SGCD: variants seen among roughly 807,000 people sequenced by gnomAD.
SGCD encodes the protein sarcoglycan delta, also known as delta-sarcoglycan.
Under a neutral mutation model 36.6 loss-of-function variants are expected in SGCD, and 18 were observed. That is an observed-to-expected ratio of 0.49 (90% CI 0.34 to 0.73). The LOEUF (loss-of-function observed/expected upper bound fraction) is 0.73, where lower values mean the gene tolerates loss of function less well. SGCD is among the 30% of genes least tolerant of loss of function. SGCD has a pLI of 0.01. For missense variants in SGCD, 387 were observed against 346.7 expected (o/e 1.12, Z -0.92); for synonymous variants, 133 against 130.6 (o/e 1.02, Z -0.12).
intron 4 of SGCD, among the ~76,000 whole-genome samples, chr5:156,537,508 G>C (rs111338324): frequency 0.063 from 5,927 of 93,376 alleles, 223 homozygotes; most frequent in African/African-American, 0.17. Context: ...CACACACACA[G>C]GTATATATAT....
At chr5:156,162,626 T>C (rs1044723353) in intron 3 of SGCD, among the ~76,000 whole-genome samples, 4 of 151,616 alleles carry the variant, frequency 2.6e-5, no homozygotes, top group African/African-American at 9.8e-5. Context: ...CTCATCACCA[T>C]TCCCCCATCG....
intron 3 of SGCD, among the ~76,000 whole-genome samples, chr5:156,181,115 A>G (rs1763595722): frequency 6.6e-6 from 1 of 152,252 alleles, no homozygotes; most frequent in African/African-American, 2.4e-5. Context: ...AAGGACAGAG[A>G]GAAACCTTGG....
chr5:156,568,842 C>T (rs550083581), intron 4 of SGCD, among the ~76,000 whole-genome samples: 10 of 152,310 alleles, frequency 6.6e-5, no homozygotes, highest in Admixed American at 2.0e-4. Context: ...CATTGAACTA[C>T]GCATTGCTAA....
chr5:156,702,815 T>C (rs929272058), intron 7 of SGCD, among the ~76,000 whole-genome samples: 3 of 151,014 alleles, frequency 2.0e-5, no homozygotes, highest in Non-Finnish European at 2.9e-5. Context: ...TTTTAAACTA[T>C]CTTCTCAATG....
At chr5:156,336,898 A>G (rs1328728265) in intron 2 of SGCD, among the ~76,000 whole-genome samples, 1 of 152,226 alleles carries the variant, frequency 6.6e-6, no homozygotes, top group Non-Finnish European at 1.5e-5. Context: ...ATAACTATTA[A>G]GTTAATCTGA....
At chr5:155,818,841 A>G in the SGCD span, among the ~76,000 whole-genome samples, 1 of 152,144 alleles carries the variant, frequency 6.6e-6, no homozygotes, top group African/African-American at 2.4e-5. Flanking sequence ...ATACTTACGG[A>G]GAGTGACAGG....
At chr5:155,898,947 A>G (rs1756326234) in intron 1 of SGCD, among the ~76,000 whole-genome samples, 1 of 152,178 alleles carries the variant, frequency 6.6e-6, no homozygotes, top group Non-Finnish European at 1.5e-5. Flanking sequence ...GTCTTGAAGG[A>G]CTTGCTAGGG....
the SGCD span, among the ~76,000 whole-genome samples, chr5:155,818,362 T>A: frequency 3.3e-5 from 5 of 151,766 alleles, no homozygotes; most frequent in Non-Finnish European, 7.4e-5. Context: ...GAGCAACAGG[T>A]GTGCAGGGAG....
At position 156,409,954 on chromosome 5, in the gene SGCD, C is replaced by A. The variant is rs552879904; in HGVS notation, c.192+65277C>A. Among the ~76,000 whole-genome samples the A allele has an allele frequency of 1.7e-4, 26 of 152,156 alleles. 1 individual carries two copies. The highest frequency in any genetic ancestry group is 5.8e-4 in the African/African-American group (24 of 41,510). On this transcript the variant is annotated intron_variant, in intron 3 of 8. Coordinates refer to ENST00000337851, the MANE Select transcript of SGCD (RefSeq NM_000337.6). ...TGTACAAATACTAGATCAATATTAC[C>A]ACTGCATAGTTGGGAAGATGTATGA...
intron 3 of SGCD, among the ~76,000 whole-genome samples, chr5:156,311,386 T>C (rs1203857909): frequency 6.6e-6 from 1 of 152,214 alleles, no homozygotes; most frequent in Non-Finnish European, 1.5e-5. Context: ...AAGGAGACTA[T>C]GGCTTTTTAA....
At chr5:156,621,650 G>T (rs1385011238) in intron 6 of SGCD, among the ~76,000 whole-genome samples, 1 of 152,166 alleles carries the variant, frequency 6.6e-6, no homozygotes, top group Non-Finnish European at 1.5e-5. Context: ...GAGACTGGAA[G>T]GATTAATTAA....
At chr5:155,829,308 G>A in the SGCD span, among the ~76,000 whole-genome samples, 1 of 150,198 alleles carries the variant, frequency 6.7e-6, no homozygotes, top group South Asian at 2.1e-4. Flanking sequence ...TTCCCACATT[G>A]CTCCATGTTG....
At chr5:155,871,643 G>A (rs1755656898) in intron 1 of SGCD, among the ~76,000 whole-genome samples, 1 of 152,168 alleles carries the variant, frequency 6.6e-6, no homozygotes, top group Non-Finnish European at 1.5e-5. Context: ...CATCAGTGGT[G>A]TAGCAGGCAC....
At chr5:155,777,835 T>C in the SGCD span, among the ~76,000 whole-genome samples, 3 of 152,280 alleles carry the variant, frequency 2.0e-5, no homozygotes, top group African/African-American at 7.2e-5. Context: ...TGCTCAACAA[T>C]GTTCCCATTT....
At chr5:155,758,161 CTTGAA>C in the SGCD span, among the ~76,000 whole-genome samples, 5 of 152,074 alleles carry the variant, frequency 3.3e-5, no homozygotes, top group East Asian at 7.8e-4. Flanking sequence ...TAGTAGATAC[CTTGAA>C]TTGAAGTTTC....
chr5:155,943,893 G>A (rs910751215), intron 1 of SGCD, among the ~76,000 whole-genome samples: 2 of 152,158 alleles, frequency 1.3e-5, no homozygotes, highest in Non-Finnish European at 2.9e-5. Context: ...CCACTTTACT[G>A]TAAAGCAGCC....
At chr5:156,434,128 G>A (rs539792555) in intron 3 of SGCD, among the ~76,000 whole-genome samples, 2 of 152,334 alleles carry the variant, frequency 1.3e-5, no homozygotes, top group Non-Finnish European at 1.5e-5. Context: ...AAGGCAGTAT[G>A]GAAGGTGTGC....
chr5:155,959,227 T>C (rs1757736201), intron 1 of SGCD, among the ~76,000 whole-genome samples: 1 of 152,126 alleles, frequency 6.6e-6, no homozygotes, highest in Non-Finnish European at 1.5e-5. Flanking sequence ...TCACCTGCAG[T>C]TTTTCTTCCT....
chr5:156,020,151 A>G (rs1248485395), intron 1 of SGCD, among the ~76,000 whole-genome samples: 3 of 152,242 alleles, frequency 2.0e-5, no homozygotes, highest in African/African-American at 4.8e-5. Flanking sequence ...ATTTTCATAT[A>G]CACAACAGAG....
Sources: gnomAD v4.1 joint callset for allele counts (sites outside exome capture counted in the v4.1 genomes callset) on GRCh38, gnomAD v4.1.1 for gene constraint, MANE v1.5 for transcripts, NCBI Gene and HGNC (gene_info 2026-07-23, HGNC 2026-07-21) for gene names.